The following NRXN1 variants were observed in gnomAD, a reference collection of about 807,000 sequenced individuals.
NRXN1 encodes neurexin-1.
Under a neutral mutation model 150.9 loss-of-function variants are expected in NRXN1, and 39 were observed. That is an observed-to-expected ratio of 0.26 (90% confidence interval 0.20 to 0.34). NRXN1 has a LOEUF of 0.34. Ranked by LOEUF, NRXN1 falls within the 10% of genes least tolerant of loss-of-function variation. NRXN1 has a pLI of 1.00. For missense variants in NRXN1, 1,815 were observed against 1,949.9 expected, an observed-to-expected ratio of 0.93 and a Z score of 1.30; for synonymous variants, 924 against 757.0, an observed-to-expected ratio of 1.22 and a Z score of -3.62.
intron 17 of NRXN1, among the ~76,000 whole-genome samples, chr2:50,405,238 T>C (rs1012312392): frequency 2.6e-5 from 4 of 152,150 alleles, no homozygotes; most frequent in African/African-American, 9.7e-5. Context: ...CACAGAAAAG[T>C]TTCCTTGTTG....
At position 50,625,445 on chromosome 2, in the gene NRXN1, T is replaced by C. The variant is rs117192146; in HGVS notation, c.833-1830A>G. On this transcript the variant is annotated intron_variant, in intron 5 of 22. Transcript: ENST00000401669. ...ATAGGAAAGACCTCCCAATCTGTAA[T>C]AGTGAATCCCTCCCATTCAAACGCT... is the stretch of plus-strand genomic sequence containing the variant. Among the ~76,000 whole-genome samples, 5 of 152,166 alleles carry C rather than the reference T, an allele frequency of 3.3e-5. No homozygotes were observed. In the East Asian group the frequency reaches 9.7e-4, roughly 29 times the overall value.
chr2:50,836,079 G>T (rs767124447), intron 5 of NRXN1, among the ~76,000 whole-genome samples: 21 of 152,070 alleles, frequency 1.4e-4, no homozygotes, highest in African/African-American at 4.8e-4. Flanking sequence ...ATCTGAAAAA[G>T]AATTTCTAAT....
intron 8 of NRXN1, among the ~76,000 whole-genome samples, chr2:50,580,439 T>A (rs184867143): frequency 1.3e-5 from 2 of 152,178 alleles, no homozygotes; most frequent in East Asian, 3.9e-4. Flanking sequence ...TTAACTAAGG[T>A]CTGAAAATGT....
chr2:50,534,666 A>G (rs1275031716), intron 10 of NRXN1, among the ~76,000 whole-genome samples: 3 of 152,206 alleles, frequency 2.0e-5, no homozygotes, highest in African/African-American at 4.8e-5. Flanking sequence ...ATAAAAGTGT[A>G]AAAGTCATTA....
At chr2:50,333,211 G>A (rs186517453) in intron 17 of NRXN1, among the ~76,000 whole-genome samples, 3 of 152,078 alleles carry the variant, frequency 2.0e-5, no homozygotes, top group African/African-American at 7.2e-5. Context: ...AGCAGCCCTG[G>A]AGCCTTCAAA....
intron 18 of NRXN1, among the ~76,000 whole-genome samples, chr2:50,230,131 C>G (rs367689695): frequency 2.0e-5 from 3 of 152,014 alleles, no homozygotes; most frequent in Non-Finnish European, 4.4e-5. Context: ...GACCTAACTT[C>G]TTTCTGCTAG....
At chr2:50,013,262 T>C (rs951637542) in intron 21 of NRXN1, among the ~76,000 whole-genome samples, 3 of 127,790 alleles carry the variant, frequency 2.3e-5, no homozygotes, top group African/African-American at 8.9e-5. Context: ...GAGATATTAC[T>C]ATTAAAGTTT....
chr2:50,404,145 T>C (rs2082585816), intron 17 of NRXN1, among the ~76,000 whole-genome samples: 1 of 131,910 alleles, frequency 7.6e-6, no homozygotes, highest in South Asian at 2.6e-4. Context: ...TTTAGGAATA[T>C]TTTGTTTAGT....
chr2:50,191,790 C>T (rs1028515118), intron 18 of NRXN1, among the ~76,000 whole-genome samples: 4 of 152,068 alleles, frequency 2.6e-5, no homozygotes, highest in Non-Finnish European at 4.4e-5. Context: ...CATAGTATTC[C>T]ATGGCATACC....
intron 17 of NRXN1, among the ~76,000 whole-genome samples, chr2:50,359,394 C>A (rs1382866069): frequency 6.6e-6 from 1 of 151,404 alleles, no homozygotes; most frequent in East Asian, 2.0e-4. Flanking sequence ...TTAGAATAAC[C>A]AGTTTAGAGA....
intron 2 of NRXN1, among the ~76,000 whole-genome samples, chr2:50,986,637 T>A (rs1167004216): frequency 6.6e-6 from 1 of 151,698 alleles, no homozygotes; most frequent in Non-Finnish European, 1.5e-5. Context: ...ATATATCGAT[T>A]TTGCCCTTAT....
Position 50,659,731 on chromosome 2 carries a change from CT to C in NRXN1, c.833-36117del, listed in dbSNP as rs555703053. Among the ~76,000 whole-genome samples, 509 of 142,338 alleles carry C rather than the reference CT, an allele frequency of 3.6e-3. 2 individuals carry two copies. The highest frequency in any genetic ancestry group is 8.9e-3 in the African/African-American group (348 of 39,278). 93.4% of individuals were successfully genotyped at this position (142,338 alleles called of 152,430 possible). ...TCATATACATTTTAGCTTCCTTTTTCTTTTTTTTTTTTCCCAAATCCACAAC... is the reference window on the plus strand; with the variant it reads ...TCATATACATTTTAGCTTCCTTTTTCTTTTTTTTTTTCCCAAATCCACAAC... On this transcript the variant is annotated intron_variant, in intron 5 of 22. Coordinates refer to ENST00000401669, the MANE Select transcript of NRXN1 (RefSeq NM_001330078.2).
At chr2:50,900,680 T>C (rs1195104120) in intron 5 of NRXN1, among the ~76,000 whole-genome samples, 2 of 152,134 alleles carry the variant, frequency 1.3e-5, no homozygotes. Context: ...TGGAGGAGCC[T>C]GTAATTGATA....
chr2:50,678,230 A>G (rs573979880), intron 5 of NRXN1, among the ~76,000 whole-genome samples: 21 of 152,156 alleles, frequency 1.4e-4, no homozygotes, highest in Non-Finnish European at 1.3e-4. Context: ...CAAGTTCACC[A>G]ACACATTATG....
In NRXN1 at chr2:50,864,168, G is replaced by C. The variant is rs559372903; in HGVS notation, c.832+57701C>G. Among the ~76,000 whole-genome samples the C allele has an allele frequency of 2.6e-4, 40 of 152,050 alleles. No individual in the cohort carries two copies. The Middle Eastern group carries it at 0.014, about 52-fold the overall frequency. The stretch of plus-strand genomic sequence containing the variant: ...GACAGAGGACCTTTTCCTTTCACAG[G>C]GTATTTGGATTCATGCATGCATTCA... On this transcript the variant is annotated intron_variant, in intron 5 of 22. Transcript: ENST00000401669.
chr2:50,290,425 G>A (rs6722290), intron 17 of NRXN1, among the ~76,000 whole-genome samples: 27,754 of 152,176 alleles, frequency 0.18, 2,732 homozygotes, highest in East Asian at 0.36. Context: ...AAACATTTTT[G>A]AAAGTTATTT....
At chr2:50,222,443 A>C (rs1207702774) in intron 18 of NRXN1, among the ~76,000 whole-genome samples, 6 of 152,010 alleles carry the variant, frequency 3.9e-5, no homozygotes, top group Admixed American at 3.9e-4. Context: ...TGATATCTTC[A>C]TACACTGCTG....
rs149669671 is a variant in NRXN1 at position 50,785,730 on chromosome 2, G to A, written c.832+136139C>T. Among the ~76,000 whole-genome samples the A allele has an allele frequency of 5.1e-3, 780 of 152,226 alleles. 4 individuals carry two copies. The highest frequency in any genetic ancestry group is 0.014 in the Middle Eastern group (4 of 292). On this transcript the variant is annotated intron_variant, in intron 5 of 22. Coordinates refer to ENST00000401669, the MANE Select transcript of NRXN1 (RefSeq NM_001330078.2). ...GAGCAGACAGGTGAGTAGAGCAGGAGCTTCTGCTTGGTAGTTTTGCAGGAT... is the reference window on the plus strand; with the variant it reads ...GAGCAGACAGGTGAGTAGAGCAGGAACTTCTGCTTGGTAGTTTTGCAGGAT...
intron 5 of NRXN1, among the ~76,000 whole-genome samples, chr2:50,858,761 T>C (rs962709353): frequency 6.6e-6 from 1 of 152,146 alleles, no homozygotes; most frequent in Admixed American, 6.5e-5. Flanking sequence ...ATTAGGCTTG[T>C]AAATGTAATA....
Sources: allele counts gnomAD v4.1 joint callset (sites outside exome capture counted in the v4.1 genomes callset), GRCh38; gene constraint gnomAD v4.1.1; transcripts MANE v1.5; gene names NCBI Gene and HGNC (gene_info 2026-07-23, HGNC 2026-07-21).